ZBTB20: variants seen among roughly 807,000 people sequenced by gnomAD.
ZBTB20 encodes the protein zinc finger and BTB domain containing 20, also known as zinc finger and BTB domain-containing protein 20.
A neutral mutation model predicts 56.9 loss-of-function variants in ZBTB20; 9 were observed. That is an observed-to-expected ratio of 0.16 (90% confidence interval 0.10 to 0.28). The LOEUF (loss-of-function observed/expected upper bound fraction) is 0.28. ZBTB20 is among the 10% of genes least tolerant of loss of function. The probability of loss-of-function intolerance (pLI) is 1.00; values close to 1 mark genes in which losing one functional copy is unlikely to be tolerated. For missense variants in ZBTB20, 655 were observed against 1,003.0 expected (o/e 0.65, Z 4.69); for synonymous variants, 417 against 420.7 (o/e 0.99, Z 0.11).
intron 1 of ZBTB20, among the ~76,000 whole-genome samples, chr3:115,088,294 A>T (rs1426123898): frequency 6.6e-6 from 1 of 151,876 alleles, no homozygotes; most frequent in Non-Finnish European, 1.5e-5. Flanking sequence ...GTATTCTAAA[A>T]GAATGCCATT....
chr3:115,098,642 T>C (rs1408672134), intron 1 of ZBTB20, among the ~76,000 whole-genome samples: 1 of 152,170 alleles, frequency 6.6e-6, no homozygotes, highest in African/African-American at 2.4e-5. Context: ...TCAGAATTAA[T>C]TTTTTAAAAG....
At chr3:114,845,605 G>A (rs1007634666) in intron 4 of ZBTB20, among the ~76,000 whole-genome samples, 1 of 151,722 alleles carries the variant, frequency 6.6e-6, no homozygotes, top group Non-Finnish European at 1.5e-5. Context: ...TTGTAAATAA[G>A]CCTCAGGATG....
chr3:114,641,009 C>T (rs1018232890), intron 6 of ZBTB20, among the ~76,000 whole-genome samples: 10 of 151,804 alleles, frequency 6.6e-5, no homozygotes, highest in African/African-American at 2.4e-4. Flanking sequence ...ACTATTTACT[C>T]GGTGTGCAAA....
intron 5 of ZBTB20, among the ~76,000 whole-genome samples, chr3:114,724,121 C>A (rs1332417822): frequency 1.3e-5 from 2 of 152,042 alleles, no homozygotes; most frequent in Non-Finnish European, 2.9e-5. Flanking sequence ...GATCCGCCCA[C>A]CTCGGCCTCC....
chr3:114,345,555 G>A (rs1262499453), intron 11 of ZBTB20, among the ~76,000 whole-genome samples: 1 of 152,138 alleles, frequency 6.6e-6, no homozygotes, highest in Non-Finnish European at 1.5e-5. Flanking sequence ...TTTAAAAAAT[G>A]TTATGTAACA....
chr3:114,940,869 A>G (rs1372964633), intron 3 of ZBTB20, among the ~76,000 whole-genome samples: 1 of 145,954 alleles, frequency 6.9e-6, no homozygotes, highest in Non-Finnish European at 1.5e-5. Context: ...CAGGGACCTT[A>G]GGTTGCCTAT....
rs1432596324 is a variant in ZBTB20 at position 114,326,416 on chromosome 3, T to A, written c.*12589A>T. ...TGTTTTAACTGTTCTATCCTCAAAG[T>A]AAAGAGAGAATTTCTCTCTTAAAAG... On this transcript the variant is annotated 3_prime_UTR_variant, in exon 12 of 12. Transcript: ENST00000675478. 1 of 152,162 alleles carries A rather than the reference T, an allele frequency of 6.6e-6. No individual in the cohort carries two copies. The highest frequency in any genetic ancestry group is 2.4e-5 in the African/African-American group (1 of 41,434). 9.4% of individuals were successfully genotyped at this position (152,162 alleles called of 1,614,324 possible).
chr3:114,824,342 TTCTA>T (rs1403326856), intron 4 of ZBTB20, among the ~76,000 whole-genome samples: 2 of 151,986 alleles, frequency 1.3e-5, no homozygotes, highest in Admixed American at 6.6e-5. Context: ...AAAAGACAGC[TTCTA>T]TCTATCAATA....
At chr3:114,649,744 T>A (rs1382187757) in intron 6 of ZBTB20, among the ~76,000 whole-genome samples, 5 of 151,974 alleles carry the variant, frequency 3.3e-5, no homozygotes, top group Non-Finnish European at 4.4e-5. Context: ...TTTGACCAAG[T>A]CACATTCCTT....
At chr3:114,584,788 G>A (rs1282973056) in intron 6 of ZBTB20, among the ~76,000 whole-genome samples, 1 of 152,084 alleles carries the variant, frequency 6.6e-6, no homozygotes, top group Non-Finnish European at 1.5e-5. Flanking sequence ...AGTACCTGGG[G>A]CACCAGCCAG....
At chr3:114,596,421 T>C (rs2056320460) in intron 6 of ZBTB20, among the ~76,000 whole-genome samples, 1 of 152,166 alleles carries the variant, frequency 6.6e-6, no homozygotes. Flanking sequence ...CATGACATCA[T>C]ATAAATGAGG....
intron 5 of ZBTB20, among the ~76,000 whole-genome samples, chr3:114,706,067 G>C (rs766125359): frequency 3.9e-5 from 6 of 152,072 alleles, no homozygotes; most frequent in Non-Finnish European, 8.8e-5. Context: ...TGATATTATA[G>C]GAAGAATATG....
intron 2 of ZBTB20, among the ~76,000 whole-genome samples, chr3:115,045,050 T>C (rs146522794): frequency 1.4e-4 from 22 of 152,264 alleles, no homozygotes; most frequent in Non-Finnish European, 2.8e-4. Flanking sequence ...CCATGAGACA[T>C]AGGAAATACA....
At chr3:114,448,790 TG>T (rs1310537236) in intron 7 of ZBTB20, among the ~76,000 whole-genome samples, 1 of 152,152 alleles carries the variant, frequency 6.6e-6, no homozygotes, top group Non-Finnish European at 1.5e-5. Context: ...TATATATAAT[TG>T]GATGAAAGCA....
At chr3:114,819,498 G>A (rs947737879) in intron 4 of ZBTB20, among the ~76,000 whole-genome samples, 6 of 151,852 alleles carry the variant, frequency 4.0e-5, no homozygotes, top group Non-Finnish European at 7.4e-5. Context: ...TGAAAAAGCA[G>A]ATAGTCCAGA....
intron 3 of ZBTB20, among the ~76,000 whole-genome samples, chr3:114,973,527 G>T (rs1457526155): frequency 6.6e-6 from 1 of 152,118 alleles, no homozygotes; most frequent in African/African-American, 2.4e-5. Flanking sequence ...AAGTACTGCT[G>T]CTGCATTTGG....
intron 2 of ZBTB20, among the ~76,000 whole-genome samples, chr3:114,993,480 A>C (rs2078903494): frequency 6.6e-6 from 1 of 151,862 alleles, no homozygotes; most frequent in African/African-American, 2.4e-5. Flanking sequence ...CTTTCCAACT[A>C]ATGTGTAATA....
At chr3:114,760,107 T>G (rs542174236) in intron 5 of ZBTB20, among the ~76,000 whole-genome samples, 1 of 152,300 alleles carries the variant, frequency 6.6e-6, no homozygotes, top group East Asian at 1.9e-4. Context: ...TTTCCAAAGA[T>G]TCACAATCAC....
At chr3:114,583,400 T>C (rs924008819) in intron 6 of ZBTB20, among the ~76,000 whole-genome samples, 1 of 152,162 alleles carries the variant, frequency 6.6e-6, no homozygotes, top group African/African-American at 2.4e-5. Context: ...TAAACAAAAA[T>C]AAACACAAAC....
Sources: allele counts gnomAD v4.1 joint callset (sites outside exome capture counted in the v4.1 genomes callset), GRCh38; gene constraint gnomAD v4.1.1; transcripts MANE v1.5; gene names NCBI Gene and HGNC (gene_info 2026-07-23, HGNC 2026-07-21).